SSC4D: variants seen among roughly 807,000 people sequenced by gnomAD.
The protein encoded by SSC4D is scavenger receptor cysteine rich family member with 4 domains.
A neutral mutation model predicts 63.4 loss-of-function variants in SSC4D; 57 were observed. That is an observed-to-expected ratio of 0.90 (90% CI 0.73 to 1.12). SSC4D has a LOEUF of 1.12. Among genes scored for constraint, SSC4D ranks in the 50% most tolerant of loss-of-function variants. SSC4D has a pLI of 0.00. For missense variants in SSC4D, 791 were observed against 806.4 expected (o/e 0.98, Z 0.23); for synonymous variants, 352 against 345.4 (o/e 1.02, Z -0.21).
chr7:76,395,254 G>T lies in SSC4D; in HGVS notation c.945C>A (p.Ser315=), dbSNP rs201421823. The part of the protein sequence containing the change: ...REDWAWQTDP[S]ATGVGPQPSR... ...CGCCTGGAGGGCTGAGCTCTTTACC[G>T]GACGGATCTGTCTGCCAAGCCCAGT... The change falls in exon 7 of 11, where the codon TCC becomes TCA. Residue 315 remains serine, a splice_region_variant and synonymous_variant. Coordinates refer to ENST00000275560, the MANE Select transcript of SSC4D (RefSeq NM_080744.2). 2.5e-6 allele frequency: 4 copies of T among 1,613,612 alleles called. No homozygotes were observed. The highest frequency in any genetic ancestry group is 1.3e-5 in the African/African-American group (1 of 74,888).
chr7:76,401,771 G>A (rs1804837507), intron 2 of SSC4D, among the ~76,000 whole-genome samples: 1 of 152,096 alleles, frequency 6.6e-6, no homozygotes, highest in Non-Finnish European at 1.5e-5. Flanking sequence ...AGCCATCCTG[G>A]AGCCCTCAGC....
At chr7:76,406,632 C>T (rs1805043728) in intron 1 of SSC4D, among the ~76,000 whole-genome samples, 1 of 151,802 alleles carries the variant, frequency 6.6e-6, no homozygotes, top group Admixed American at 6.6e-5. Context: ...TGCAGGCTTG[C>T]ACCACCACAC....
intron 10 of SSC4D, among the ~76,000 whole-genome samples, chr7:76,391,666 C>G (rs553584151): frequency 4.6e-5 from 7 of 152,224 alleles, no homozygotes; most frequent in Non-Finnish European, 8.8e-5. Context: ...CCTGCACCCC[C>G]CTGGGCTCCC....
intron 2 of SSC4D, among the ~76,000 whole-genome samples, chr7:76,402,484 A>G (rs1804864530): frequency 6.7e-6 from 1 of 149,532 alleles, no homozygotes; most frequent in African/African-American, 2.5e-5. Context: ...TCCTGGCCTA[A>G]TTTTTTAATT....
At chr7:76,399,133 T>C (rs1161522188) in intron 4 of SSC4D, among the ~76,000 whole-genome samples, 1 of 152,054 alleles carries the variant, frequency 6.6e-6, no homozygotes, top group East Asian at 1.9e-4. Context: ...TGCCTCAGCC[T>C]CCTGAGTAGC....
In SSC4D at chr7:76,400,350, G is replaced by T. The variant is rs150236892; in HGVS notation, c.411C>A (p.Cys137Ter). The T allele has an allele frequency of 2.0e-6, 3 of 1,536,712 alleles. No individual in the cohort carries two copies. Among genetic ancestry groups the T allele is most frequent in the Non-Finnish European group, 2.6e-6 (3 of 1,137,242 alleles). ...TGTGGACGCCCCAGCCGCGGCTGCC[G>T]CACTCGCTCAGCGCAGCTTCCTGCC... ...CRGQEAALSE[C>*]GSRGWGVHNC... The change falls in exon 4 of 11, where the codon TGC becomes TGA. Residue 137 changes from cysteine to a stop codon, truncating the protein, a stop_gained. Coordinates refer to ENST00000275560, the MANE Select transcript of SSC4D (RefSeq NM_080744.2). LOFTEE classifies it high-confidence loss of function.
chr7:76,390,128 A>G lies in SSC4D; in HGVS notation c.1659T>C (p.Ser553=), dbSNP rs140682020. 8.5e-4 allele frequency: 1,371 copies of G among 1,614,216 alleles called. 3 individuals carry two copies. The highest frequency in any genetic ancestry group is 9.8e-4 in the Admixed American group (59 of 60,012). Residue 553 remains serine, a synonymous_variant, in exon 11 of 11, where the codon TCT becomes TCC. Transcript: ENST00000275560. ...RGEESALLLC[S]HIRWDAHNCD... Reference sequence around the variant, plus strand: ...AGTTGTGGGCATCCCAGCGGATATGAGAGCAGAGCAGCAGAGCACTTTCTT... The same window carrying G: ...AGTTGTGGGCATCCCAGCGGATATGGGAGCAGAGCAGCAGAGCACTTTCTT...
chr7:76,392,739 A>G (rs1282879405), intron 9 of SSC4D, among the ~76,000 whole-genome samples: 3 of 151,830 alleles, frequency 2.0e-5, no homozygotes, highest in Non-Finnish European at 4.4e-5. Flanking sequence ...GCTGCAGTGA[A>G]CTATGATCGT....
At chr7:76,397,070 C>T (rs1195353738) in intron 6 of SSC4D, among the ~76,000 whole-genome samples, 1 of 152,048 alleles carries the variant, frequency 6.6e-6, no homozygotes, top group Non-Finnish European at 1.5e-5. Context: ...ATTGGTGAAG[C>T]AATAGTACAG....
At chr7:76,400,907 C>G in intron 3 of SSC4D, 101 bp downstream of exon 3, 2 of 1,473,914 alleles carry the variant, frequency 1.4e-6, no homozygotes, top group Admixed American at 4.0e-5. Context: ...CATCTAGAGT[C>G]AAGGGGGGCT....
intron 2 of SSC4D, among the ~76,000 whole-genome samples, chr7:76,402,118 C>T (rs891382281): frequency 2.0e-5 from 3 of 151,636 alleles, no homozygotes; most frequent in African/African-American, 7.3e-5. Flanking sequence ...TACCGGAGTT[C>T]AATCCATCCT....
intron 6 of SSC4D, among the ~76,000 whole-genome samples, chr7:76,396,545 G>A (rs1804645446): frequency 6.6e-6 from 1 of 152,228 alleles, no homozygotes; most frequent in African/African-American, 2.4e-5. Flanking sequence ...AATGAAAGCT[G>A]CTAACACCAG....
At chr7:76,398,351 C>A (rs1268223419) in intron 5 of SSC4D, among the ~76,000 whole-genome samples, 1 of 150,846 alleles carries the variant, frequency 6.6e-6, no homozygotes, top group Non-Finnish European at 1.5e-5. Flanking sequence ...ACTGTGTCCC[C>A]CAGGCTAGAG....
At chr7:76,395,362 G>C in intron 6 of SSC4D, 32 bp from the exon 7 acceptor site, 2 of 1,608,704 alleles carry the variant, frequency 1.2e-6, no homozygotes, top group East Asian at 4.5e-5. Flanking sequence ...CAGGGTCAGA[G>C]GCTGAGATTC....
chr7:76,393,944 G>A (rs1804569647), intron 7 of SSC4D, 40 bp from the exon 8 acceptor site: 4 of 1,559,770 alleles, frequency 2.6e-6, no homozygotes, highest in East Asian at 2.4e-5. Flanking sequence ...AAGGGGACGA[G>A]GAGGCCTTCT....
At position 76,404,417 on chromosome 7, in the gene SSC4D, A is replaced by G; in HGVS notation, c.23T>C (p.Leu8Pro). The G allele has an allele frequency of 6.2e-7, 1 of 1,614,040 alleles. No individual in the cohort carries two copies. The highest frequency in any genetic ancestry group is 8.5e-7 in the Non-Finnish European group (1 of 1,179,992). The change falls in exon 2 of 11, where the codon CTA (leucine) becomes CCA (proline). Residue 8 changes from leucine (L) to proline (P), a missense_variant. Physicochemically the swap from Leu to Pro is moderately conservative, Grantham distance 98. Transcript: ENST00000275560. ...CTTCTCATCCAGCTGGGGACCAATT[A>G]GCATCTCTGCTTCCTTGTGCATCTA... is the stretch of plus-strand genomic sequence containing the variant. MHKEAEMLIGPQLDEKRW... is the reference protein window; with the variant it reads MHKEAEMPIGPQLDEKRW...
Position 76,400,558 on chromosome 7 carries a change from C to A in SSC4D, c.203G>T (p.Arg68Leu). 6.6e-7 allele frequency: 1 copy of A among 1,504,104 alleles called. No individual in the cohort carries two copies. The highest frequency in any genetic ancestry group is 1.3e-5 in the South Asian group (1 of 78,170). 93.2% of individuals were successfully genotyped at this position (1,504,104 alleles called of 1,614,324 possible). A position where few individuals can be genotyped will look rare whatever the true frequency, so the allele number is the denominator to read the frequency against. Residue 68 changes from arginine to leucine, a missense_variant, in exon 4 of 11, where the codon CGG (arginine) becomes CTG (leucine). Coordinates refer to ENST00000275560, the MANE Select transcript of SSC4D (RefSeq NM_080744.2). The stretch of plus-strand genomic sequence containing the variant: ...ACCGTGCATGACTTCCAGGCGGCCC[C>A]GGCAGCGGCTGGGGCCCCCCACCAG... ...LRLVGGPSRC[R>L]GRLEVMHGGS...
intron 3 of SSC4D, 98 bp from the exon 4 acceptor site, chr7:76,400,689 G>A (rs1804793153): frequency 7.8e-7 from 1 of 1,288,084 alleles, no homozygotes; most frequent in Non-Finnish European, 1.0e-6. Flanking sequence ...ATTTTTTTTG[G>A]TAGAGACGGG....
intron 2 of SSC4D, among the ~76,000 whole-genome samples, chr7:76,402,640 A>G (rs116330309): frequency 0.03 from 4,596 of 151,924 alleles, 211 homozygotes; most frequent in African/African-American, 0.1. Context: ...TGCTTCAGCC[A>G]TCATGTATGT....
Sources: gnomAD v4.1 joint callset for allele counts (sites outside exome capture counted in the v4.1 genomes callset) on GRCh38, gnomAD v4.1.1 for gene constraint, MANE v1.5 for transcripts, NCBI Gene and HGNC (gene_info 2026-07-23, HGNC 2026-07-21) for gene names.